QTMAN: variants seen among roughly 807,000 people sequenced by gnomAD.
QTMAN encodes tRNA-queuosine alpha-mannosyltransferase.
At chr2:144,119,126 G>A in the QTMAN span, among the ~76,000 whole-genome samples, 1 of 152,140 alleles carries the variant, frequency 6.6e-6, no homozygotes. Context: ...CTATGGGTTA[G>A]GTTTAGGGTT....
the QTMAN span, among the ~76,000 whole-genome samples, chr2:144,332,059 T>C: frequency 6.6e-6 from 1 of 152,126 alleles, no homozygotes; most frequent in Non-Finnish European, 1.5e-5. Context: ...ACCCGTCCTC[T>C]CAGCCTGCGC....
At chr2:144,172,888 GGT>G in the QTMAN span, among the ~76,000 whole-genome samples, 1 of 152,014 alleles carries the variant, frequency 6.6e-6, no homozygotes, top group African/African-American at 2.4e-5. Flanking sequence ...GGCGTTGCGG[GGT>G]GGGGGGTAAC....
chr2:144,305,393 A>C, the QTMAN span, among the ~76,000 whole-genome samples: 1 of 152,246 alleles, frequency 6.6e-6, no homozygotes, highest in African/African-American at 2.4e-5. Context: ...GACACCCTTT[A>C]AAAATCAATT....
chr2:144,244,851 G>C, the QTMAN span, among the ~76,000 whole-genome samples: 1 of 152,192 alleles, frequency 6.6e-6, no homozygotes, highest in East Asian at 1.9e-4. Context: ...GTTCATATGT[G>C]ATGCCACTAC....
chr2:144,313,422 C>T, the QTMAN span, among the ~76,000 whole-genome samples: 1 of 152,106 alleles, frequency 6.6e-6, no homozygotes, highest in East Asian at 1.9e-4. Context: ...CCTACATTTA[C>T]CACTTACCTA....
At chr2:144,131,711 C>T in the QTMAN span, among the ~76,000 whole-genome samples, 1 of 151,922 alleles carries the variant, frequency 6.6e-6, no homozygotes, top group Admixed American at 6.6e-5. Context: ...CTCTCACTCA[C>T]TCTAACTCAC....
At chr2:143,997,031 G>A in the QTMAN span, among the ~76,000 whole-genome samples, 2 of 151,976 alleles carry the variant, frequency 1.3e-5, no homozygotes, top group Non-Finnish European at 2.9e-5. Flanking sequence ...TTTTGCTTTT[G>A]TTCATGTTTA....
chr2:144,142,362 T>A, the QTMAN span, among the ~76,000 whole-genome samples: 1,562 of 152,034 alleles, frequency 0.01, 27 homozygotes, highest in African/African-American at 0.035. Flanking sequence ...GAACTTTCTA[T>A]ATTATCAACA....
At chr2:144,260,157 C>T in the QTMAN span, among the ~76,000 whole-genome samples, 2 of 151,684 alleles carry the variant, frequency 1.3e-5, no homozygotes, top group Non-Finnish European at 1.5e-5. Flanking sequence ...ACACTTAATG[C>T]GAATTCCTTA....
chr2:144,056,852 G>A, the QTMAN span, among the ~76,000 whole-genome samples: 2 of 152,218 alleles, frequency 1.3e-5, no homozygotes, highest in African/African-American at 2.4e-5. Context: ...AGGTAGTGGT[G>A]CTGAAGAATC....
At chr2:144,230,272 G>T in the QTMAN span, 1 of 152,114 alleles carries the variant, frequency 6.6e-6, no homozygotes, top group South Asian at 2.1e-4. Flanking sequence ...CAATCTGGAC[G>T]ATCCCCACTT....
the QTMAN span, among the ~76,000 whole-genome samples, chr2:144,089,778 G>C: frequency 1.3e-5 from 2 of 151,878 alleles, no homozygotes; most frequent in African/African-American, 2.4e-5. Context: ...GGGAGAGTGG[G>C]GGAGAGGGGA....
chr2:144,259,547 CTT>C, the QTMAN span, among the ~76,000 whole-genome samples: 6 of 152,292 alleles, frequency 3.9e-5, no homozygotes, highest in African/African-American at 9.6e-5. Flanking sequence ...AGTAATGACT[CTT>C]TTGGCGAGCG....
At chr2:144,146,864 C>A in the QTMAN span, among the ~76,000 whole-genome samples, 1 of 151,820 alleles carries the variant, frequency 6.6e-6, no homozygotes, top group African/African-American at 2.4e-5. Flanking sequence ...TTTCTAGGAT[C>A]ACACTGGTAG....
the QTMAN span, among the ~76,000 whole-genome samples, chr2:144,103,408 C>T: frequency 6.6e-6 from 1 of 152,212 alleles, no homozygotes; most frequent in African/African-American, 2.4e-5. Context: ...GGAGTGCCTT[C>T]TAGGTGCCCT....
chr2:144,165,860 T>A, the QTMAN span, among the ~76,000 whole-genome samples: 1 of 152,192 alleles, frequency 6.6e-6, no homozygotes, highest in East Asian at 1.9e-4. Context: ...TTCTCAAATA[T>A]GTCCCTTCAA....
At chr2:144,169,520 T>C in the QTMAN span, among the ~76,000 whole-genome samples, 2 of 152,140 alleles carry the variant, frequency 1.3e-5, no homozygotes, top group Admixed American at 6.6e-5. Context: ...TTATGGATCA[T>C]GGATTTAATT....
At chr2:144,133,167 T>C in the QTMAN span, among the ~76,000 whole-genome samples, 2,902 of 55,434 alleles carry the variant, frequency 0.052, 319 homozygotes, top group African/African-American at 0.19. Flanking sequence ...ATATAATATA[T>C]ATATAAATAT....
the QTMAN span, among the ~76,000 whole-genome samples, chr2:144,205,823 T>C: frequency 6.6e-6 from 1 of 152,236 alleles, no homozygotes; most frequent in South Asian, 2.1e-4. Flanking sequence ...TAACATTTCA[T>C]AACCCAAAAG....
Sources: gnomAD v4.1 joint callset for allele counts (sites outside exome capture counted in the v4.1 genomes callset) on GRCh38, gnomAD v4.1.1 for gene constraint, MANE v1.5 for transcripts, NCBI Gene and HGNC (gene_info 2026-07-23, HGNC 2026-07-21) for gene names.